The following GRM5 variants were observed in gnomAD, a reference collection of about 807,000 sequenced individuals.
GRM5 encodes metabotropic glutamate receptor 5.
GRM5 carries 19 observed loss-of-function variants against 83.1 expected under a neutral mutation model. That is an observed-to-expected ratio of 0.23 (90% CI 0.16 to 0.34). The LOEUF is 0.34. Ranked by LOEUF, GRM5 falls within the 10% of genes least tolerant of loss-of-function variation. The pLI is 1.00. For synonymous variants in GRM5, 675 were observed against 633.6 expected (o/e 1.07, Z -0.98); for missense variants, 1,160 against 1,588.3 (o/e 0.73, Z 4.58).
At chr11:88,923,576 G>C (rs1269342954) in intron 2 of GRM5, among the ~76,000 whole-genome samples, 1 of 151,974 alleles carries the variant, frequency 6.6e-6, no homozygotes, top group Admixed American at 6.6e-5. Context: ...GAGGAAAAGG[G>C]GGGTGGTTAA....
chr11:88,599,377 A>G lies in GRM5; in HGVS notation c.1395-2025T>C, dbSNP rs117498414. On this transcript the variant is annotated intron_variant, in intron 5 of 9. Transcript: ENST00000305447. ...CTTTGGAATTAGGCTTTAGATTTCT[A>G]GTCATTGTTTCTTAATACAAGGCAA... Among the ~76,000 whole-genome samples the G allele has an allele frequency of 9.7e-3, 1,470 of 152,304 alleles. 17 individuals carry two copies. Among genetic ancestry groups the G allele is most frequent in the East Asian group, 0.065 (337 of 5,182 alleles).
Position 88,956,809 on chromosome 11 carries a change from A to G in GRM5, c.661+90403T>C, listed in dbSNP as rs949088647. Among the ~76,000 whole-genome samples, 6 of 152,178 alleles carry G rather than the reference A, an allele frequency of 3.9e-5. 1 individual carries two copies. The highest frequency in any genetic ancestry group is 3.3e-4 in the Admixed American group (5 of 15,286). ...CGAAAGAATGAGACTCCGTCAAAAG[A>G]AAAAAAGAAAAAGAAAAGCGTCGGT... On this transcript the variant is annotated intron_variant, in intron 2 of 9. Transcript: ENST00000305447.
chr11:88,873,397 C>T (rs1944801259), intron 2 of GRM5, among the ~76,000 whole-genome samples: 1 of 151,524 alleles, frequency 6.6e-6, no homozygotes, highest in Admixed American at 6.6e-5. Flanking sequence ...CACGTAACAG[C>T]CTCAGAATAT....
chr11:88,627,691 C>T (rs576801510), intron 4 of GRM5, among the ~76,000 whole-genome samples: 20 of 152,164 alleles, frequency 1.3e-4, no homozygotes, highest in Admixed American at 1.3e-3. Flanking sequence ...TCACCCTTGT[C>T]TTCTCCCTTT....
At chr11:88,829,203 A>G (rs1011704081) in intron 3 of GRM5, among the ~76,000 whole-genome samples, 6 of 152,156 alleles carry the variant, frequency 3.9e-5, no homozygotes, top group African/African-American at 1.4e-4. Flanking sequence ...GCTCATGCCT[A>G]TAATTCCAAC....
In GRM5 at chr11:88,943,641, A is replaced by G. The variant is rs371122168; in HGVS notation, c.662-93486T>C. 2.9e-3 allele frequency among the ~76,000 whole-genome samples: 435 copies of G among 152,164 alleles called. 1 individual carries two copies. Among genetic ancestry groups the G allele is most frequent in the African/African-American group, 9.7e-3 (405 of 41,550 alleles). The stretch of plus-strand genomic sequence containing the variant: ...AACTCTTGATGCCTTGTAGGACTTT[A>G]CCCTTTCCTTCCCACCAGCAACAAA... On this transcript the variant is annotated intron_variant, in intron 2 of 9. Coordinates refer to ENST00000305447, the MANE Select transcript of GRM5 (RefSeq NM_001143831.3).
At chr11:88,665,856 GA>G (rs112797355) in intron 3 of GRM5, among the ~76,000 whole-genome samples, 4 of 146,108 alleles carry the variant, frequency 2.7e-5, no homozygotes, top group South Asian at 2.2e-4. Flanking sequence ...TGATCCAGGA[GA>G]AAAAAAAAAA....
At chr11:88,573,689 G>A (rs1943051560) in intron 7 of GRM5, among the ~76,000 whole-genome samples, 1 of 152,158 alleles carries the variant, frequency 6.6e-6, no homozygotes, top group South Asian at 2.1e-4. Context: ...GGCTGTTGTG[G>A]GTTTCCTCTT....
intron 2 of GRM5, among the ~76,000 whole-genome samples, chr11:88,952,360 T>C (rs1938492514): frequency 6.6e-6 from 1 of 152,232 alleles, no homozygotes. Flanking sequence ...ATTGTATAGA[T>C]TGTAATCCCT....
chr11:88,951,393 A>G (rs1938457752), intron 2 of GRM5, among the ~76,000 whole-genome samples: 1 of 152,226 alleles, frequency 6.6e-6, no homozygotes, highest in South Asian at 2.1e-4. Context: ...ACTTTCGCAT[A>G]CCGGGAAGCT....
At chr11:88,992,567 T>G (rs904406483) in intron 2 of GRM5, among the ~76,000 whole-genome samples, 1 of 151,912 alleles carries the variant, frequency 6.6e-6, no homozygotes. Context: ...CACATGCACA[T>G]GTATGTTTAT....
At chr11:88,901,795 G>C (rs1945318652) in intron 2 of GRM5, among the ~76,000 whole-genome samples, 1 of 152,156 alleles carries the variant, frequency 6.6e-6, no homozygotes, top group African/African-American at 2.4e-5. Context: ...TTTCTTCTGA[G>C]TTGTTTATTT....
chr11:88,736,209 G>A (rs780645727), intron 3 of GRM5, among the ~76,000 whole-genome samples: 4 of 151,958 alleles, frequency 2.6e-5, no homozygotes, highest in Non-Finnish European at 5.9e-5. Flanking sequence ...ACACAGAAAT[G>A]CAACAAACCT....
chr11:88,838,110 G>C (rs868481895), intron 3 of GRM5, among the ~76,000 whole-genome samples: 2 of 76,746 alleles, frequency 2.6e-5, no homozygotes, highest in East Asian at 4.4e-4. Flanking sequence ...AAAAAAAAAA[G>C]ATATAAGTAA....
chr11:88,851,067 A>T (rs1944382208), intron 2 of GRM5, among the ~76,000 whole-genome samples: 1 of 152,090 alleles, frequency 6.6e-6, no homozygotes, highest in Admixed American at 6.6e-5. Context: ...GGAGGGCTGA[A>T]CTCATTCACA....
In GRM5 at chr11:88,834,838, C is replaced by T. The variant is rs1043267936; in HGVS notation, c.911+15068G>A. Among the ~76,000 whole-genome samples the T allele has an allele frequency of 5.9e-5, 9 of 152,166 alleles. No homozygotes were observed. The East Asian group carries it at 9.6e-4, about 16-fold the overall frequency. On this transcript the variant is annotated intron_variant, in intron 3 of 9. Coordinates refer to ENST00000305447, the MANE Select transcript of GRM5 (RefSeq NM_001143831.3). ...CCTAGGGAGTCACCTCTGTTCTCCA[C>T]CAGGAGACTTTTAGCTGGCTTACTT...
At chr11:88,748,255 A>G (rs1942185550) in intron 3 of GRM5, among the ~76,000 whole-genome samples, 1 of 152,158 alleles carries the variant, frequency 6.6e-6, no homozygotes, top group South Asian at 2.1e-4. Flanking sequence ...TGGGAGTTTT[A>G]CATACTCCAG....
At chr11:88,985,983 C>T (rs1401592721) in intron 2 of GRM5, among the ~76,000 whole-genome samples, 2 of 152,112 alleles carry the variant, frequency 1.3e-5, no homozygotes, top group African/African-American at 4.8e-5. Flanking sequence ...AATAAATAAA[C>T]ATTCCACCAC....
intron 7 of GRM5, among the ~76,000 whole-genome samples, chr11:88,583,791 C>T (rs1272442459): frequency 6.6e-6 from 1 of 152,206 alleles, no homozygotes; most frequent in Non-Finnish European, 1.5e-5. Flanking sequence ...TTGGCAAATG[C>T]TTTTCAGATA....
Sources: allele counts gnomAD v4.1 joint callset (sites outside exome capture counted in the v4.1 genomes callset), GRCh38; gene constraint gnomAD v4.1.1; transcripts MANE v1.5; gene names NCBI Gene and HGNC (gene_info 2026-07-23, HGNC 2026-07-21).